Variants in THSD7B observed in about 807,000 individuals in gnomAD.
THSD7B encodes thrombospondin type-1 domain-containing protein 7B.
Under a neutral mutation model 213.6 loss-of-function variants are expected in THSD7B, and 138 were observed. The ratio of observed to expected loss-of-function variants is 0.65; its 90% CI spans 0.56 to 0.74. The LOEUF (loss-of-function observed/expected upper bound fraction) is 0.74, where lower values mean the gene tolerates loss of function less well. Among genes scored for constraint, THSD7B ranks in the 30% least tolerant of loss-of-function variants. THSD7B has a pLI of 0.00. For synonymous variants in THSD7B, 742 were observed against 687.0 expected (o/e 1.08, Z -1.25); for missense variants, 1,931 against 1,991.5 (o/e 0.97, Z 0.58).
chr2:136,963,960 A>G (rs1407669829), intron 2 of THSD7B, among the ~76,000 whole-genome samples: 1 of 151,804 alleles, frequency 6.6e-6, no homozygotes, highest in Non-Finnish European at 1.5e-5. Flanking sequence ...TATCATAGGT[A>G]GAAAATATTG....
intron 15 of THSD7B, among the ~76,000 whole-genome samples, chr2:137,510,986 G>T (rs1453163003): frequency 6.6e-6 from 1 of 152,098 alleles, no homozygotes; most frequent in Non-Finnish European, 1.5e-5. Flanking sequence ...TTGGGAAGGT[G>T]TTGCCCATTT....
chr2:137,221,970 G>A (rs555269837), intron 7 of THSD7B, among the ~76,000 whole-genome samples: 1 of 152,270 alleles, frequency 6.6e-6, no homozygotes, highest in South Asian at 2.1e-4. Context: ...AATGAAATGA[G>A]TAATATTATT....
intron 15 of THSD7B, among the ~76,000 whole-genome samples, chr2:137,458,888 A>G (rs1474421042): frequency 6.6e-6 from 1 of 152,134 alleles, no homozygotes; most frequent in Non-Finnish European, 1.5e-5. Flanking sequence ...ACGCTTTCCC[A>G]TAAATTTGAT....
chr2:136,874,213 C>T (rs1039590649), intron 1 of THSD7B, among the ~76,000 whole-genome samples: 1 of 152,196 alleles, frequency 6.6e-6, no homozygotes, highest in Non-Finnish European at 1.5e-5. Context: ...AAACAACCGA[C>T]TATCTTTGGG....
chr2:136,820,966 T>G (rs1558815945), intron 1 of THSD7B, among the ~76,000 whole-genome samples: 1 of 152,112 alleles, frequency 6.6e-6, no homozygotes, highest in Non-Finnish European at 1.5e-5. Context: ...GAAGGGTAAA[T>G]GAGAATCCAT....
chr2:137,138,469 A>G (rs912245822), intron 5 of THSD7B, among the ~76,000 whole-genome samples: 3 of 151,962 alleles, frequency 2.0e-5, no homozygotes, highest in Non-Finnish European at 4.4e-5. Context: ...TTAAATTTGC[A>G]TTTCTTTGGT....
At chr2:137,468,466 T>C (rs1462544130) in intron 15 of THSD7B, among the ~76,000 whole-genome samples, 3 of 151,986 alleles carry the variant, frequency 2.0e-5, no homozygotes, top group African/African-American at 4.8e-5. Flanking sequence ...TCCTCTAAAC[T>C]TGAAGATGCT....
intron 2 of THSD7B, among the ~76,000 whole-genome samples, chr2:136,907,737 G>A (rs1484601894): frequency 1.3e-5 from 2 of 152,176 alleles, no homozygotes; most frequent in Non-Finnish European, 2.9e-5. Flanking sequence ...TAATAATTAT[G>A]GTCTCAGATA....
intron 16 of THSD7B, among the ~76,000 whole-genome samples, chr2:137,572,119 TG>T (rs1319718747): frequency 2.6e-5 from 4 of 152,302 alleles, no homozygotes; most frequent in Admixed American, 6.5e-5. Flanking sequence ...GCAGGTCTCT[TG>T]AAATATAAAG....
At chr2:137,645,526 T>G (rs1051043553) in intron 21 of THSD7B, among the ~76,000 whole-genome samples, 11 of 152,204 alleles carry the variant, frequency 7.2e-5, no homozygotes, top group Admixed American at 2.0e-4. Context: ...TGGCTGTTGT[T>G]GTCGAAGGTA....
intron 15 of THSD7B, among the ~76,000 whole-genome samples, chr2:137,533,152 AC>A (rs1302860399): frequency 6.6e-6 from 1 of 151,790 alleles, no homozygotes; most frequent in Non-Finnish European, 1.5e-5. Flanking sequence ...CATTTAAATC[AC>A]CAAACTGCGT....
intron 17 of THSD7B, among the ~76,000 whole-genome samples, chr2:137,605,759 C>A (rs373905396): frequency 2.9e-4 from 42 of 146,956 alleles, no homozygotes; most frequent in African/African-American, 9.7e-4. Context: ...ACTTCCGCAT[C>A]CCTGGTTCAA....
At chr2:136,884,756 C>T (rs57965803) in intron 2 of THSD7B, among the ~76,000 whole-genome samples, 4,886 of 152,196 alleles carry the variant, frequency 0.032, 142 homozygotes, top group East Asian at 0.093. Flanking sequence ...CTTTTAATGA[C>T]TGCATAGTAT....
chr2:137,281,770 A>T (rs1683022469), intron 12 of THSD7B, among the ~76,000 whole-genome samples: 2 of 152,106 alleles, frequency 1.3e-5, no homozygotes, highest in Admixed American at 6.5e-5. Context: ...TCCATGGTGT[A>T]TATGTGCCAC....
chr2:137,227,592 T>A (rs1424893926), intron 7 of THSD7B, among the ~76,000 whole-genome samples: 1 of 152,134 alleles, frequency 6.6e-6, no homozygotes, highest in African/African-American at 2.4e-5. Context: ...TCTTCTGAGA[T>A]GGGTTCTGTC....
chr2:137,095,943 A>T (rs1243854155), intron 4 of THSD7B, among the ~76,000 whole-genome samples: 2 of 151,950 alleles, frequency 1.3e-5, no homozygotes, highest in Non-Finnish European at 2.9e-5. Flanking sequence ...CTTAAGCGAT[A>T]CTCCCACCTC....
At chr2:137,476,341 T>C (rs1424498637) in intron 15 of THSD7B, among the ~76,000 whole-genome samples, 1 of 152,122 alleles carries the variant, frequency 6.6e-6, no homozygotes, top group African/African-American at 2.4e-5. Context: ...GTTTGTTTAT[T>C]TTTTTTCTTT....
chr2:137,064,698 G>A (rs1422806145), intron 3 of THSD7B, among the ~76,000 whole-genome samples: 3 of 151,830 alleles, frequency 2.0e-5, no homozygotes, highest in Admixed American at 6.6e-5. Flanking sequence ...TGAGACATAG[G>A]GGTCTAGTTT....
chr2:136,924,511 T>C (rs1684489923), intron 2 of THSD7B, among the ~76,000 whole-genome samples: 1 of 152,174 alleles, frequency 6.6e-6, no homozygotes, highest in Admixed American at 6.5e-5. Flanking sequence ...CATTATTTCT[T>C]GGTTCTCTGT....
Sources: gnomAD v4.1 joint callset for allele counts (sites outside exome capture counted in the v4.1 genomes callset) on GRCh38, gnomAD v4.1.1 for gene constraint, MANE v1.5 for transcripts, NCBI Gene and HGNC (gene_info 2026-07-23, HGNC 2026-07-21) for gene names.